Variants in TBL2 observed in about 807,000 individuals in gnomAD.
TBL2 encodes the protein transducin beta-like protein 2.
TBL2 carries 33 observed loss-of-function variants against 41.8 expected under a neutral mutation model. The observed-to-expected ratio is 0.79, with a 90% CI of 0.60 to 1.06. The LOEUF is 1.06. Ranked by LOEUF, TBL2 falls within the 50% of genes least tolerant of loss-of-function variation. The probability of loss-of-function intolerance (pLI) is 0.00; values close to 1 mark genes in which losing one functional copy is unlikely to be tolerated. For synonymous variants in TBL2, 239 were observed against 241.7 expected (o/e 0.99, Z 0.10); for missense variants, 522 against 603.8 (o/e 0.86, Z 1.42).
chr7:73,572,761 G>A (rs993785153), intron 5 of TBL2, 83 bp downstream of exon 5: 140 of 1,594,014 alleles, frequency 8.8e-5, no homozygotes, highest in Admixed American at 1.2e-4. Flanking sequence ...CTTCCCACGC[G>A]ATGAAGCTGG....
intron 2 of TBL2, 105 bp from the exon 3 acceptor site, chr7:73,574,227 A>G (rs1793151514): frequency 6.5e-7 from 1 of 1,536,940 alleles, no homozygotes; most frequent in South Asian, 1.2e-5. Context: ...ATTAACAGCA[A>G]GCTGAGATTG....
chr7:73,573,193 A>C, intron 4 of TBL2, 127 bp downstream of exon 4: 1 of 1,456,906 alleles, frequency 6.9e-7, no homozygotes, highest in East Asian at 2.3e-5. Context: ...CAGGCTGTTC[A>C]GAGCCAGGGA....
Position 73,570,839 on chromosome 7 carries a change from C to T in TBL2, c.1012G>A (p.Ala338Thr), listed in dbSNP as rs1563446854. The T allele has an allele frequency of 1.2e-6, 2 of 1,613,888 alleles. No individual in the cohort carries two copies. Among genetic ancestry groups the T allele is most frequent in the Admixed American group, 1.7e-5 (1 of 60,034 alleles). The change falls in exon 7 of 7, where the codon GCC (alanine) becomes ACC (threonine). Residue 338 changes from alanine (A) to threonine (T), a missense_variant. By Grantham distance (58) the Ala-to-Thr change is moderately conservative (BLOSUM62 0). Transcript: ENST00000305632. ...EAAGAAPCRL[A>T]LSPNAQVLAL... ...AAGACCTGGGCGTTGGGGGAGAGGG[C>T]CAGGCGGCACGGCGCGGCACCCGCC...
chr7:73,572,995 G>T lies in TBL2; in HGVS notation c.599-25C>A, dbSNP rs559627697. 1.9e-6 allele frequency: 3 copies of T among 1,613,834 alleles called. No homozygotes were observed. The Admixed American group carries it at 5.0e-5, about 27-fold the overall frequency. On this transcript the variant is annotated intron_variant, in intron 4 of 6. Transcript: ENST00000305632. ...CCTGAGCGGGAAGGGAGTGATGTGG[G>T]TCACGGGCAGTGACCTGACCAACTG... is the stretch of plus-strand genomic sequence containing the variant.
chr7:73,574,707 T>C (rs1793187273), intron 1 of TBL2, 194 bp from the exon 2 acceptor site: 1 of 703,296 alleles, frequency 1.4e-6, no homozygotes, highest in African/African-American at 1.8e-5. Flanking sequence ...ATGCCTGTAA[T>C]CCCAATGCTT....
intron 1 of TBL2, among the ~76,000 whole-genome samples, chr7:73,575,793 C>T (rs1793274810): frequency 6.6e-6 from 1 of 152,074 alleles, no homozygotes; most frequent in Non-Finnish European, 1.5e-5. Context: ...CCTGTGATCC[C>T]AGCATTTTGG....
At chr7:73,573,618 C>G (rs1554588246) in intron 3 of TBL2, 147 bp from the exon 4 acceptor site, 2 of 1,092,232 alleles carry the variant, frequency 1.8e-6, no homozygotes, top group Non-Finnish European at 2.6e-6. Flanking sequence ...TTCCAAATCT[C>G]ATAAAACTCC....
intron 1 of TBL2, among the ~76,000 whole-genome samples, chr7:73,575,051 T>G (rs949227218): frequency 2.0e-5 from 3 of 152,050 alleles, no homozygotes; most frequent in Non-Finnish European, 2.9e-5. Flanking sequence ...GGGAGTAATG[T>G]GCACAACCAT....
intron 1 of TBL2, 61 bp from the exon 2 acceptor site, chr7:73,574,574 A>G (rs782113705): frequency 3.1e-6 from 5 of 1,610,808 alleles, no homozygotes; most frequent in Non-Finnish European, 4.2e-6. Context: ...CTGCCCACCT[A>G]TGATGAGCCA....
chr7:73,572,844 C>T lies in TBL2; in HGVS notation c.725G>A (p.Arg242Lys). The T allele has an allele frequency of 6.2e-7, 1 of 1,614,092 alleles. No homozygotes were observed. Among genetic ancestry groups the T allele is most frequent in the Non-Finnish European group, 8.5e-7 (1 of 1,179,966 alleles). Reference sequence around the variant, plus strand: ...GACGCCAATACCCCTCCTTGCCCACCTGCCACAGGGAGATACAGCAGCGTG... The same window carrying T: ...GACGCCAATACCCCTCCTTGCCCACTTGCCACAGGGAGATACAGCAGCGTG... Reference protein sequence around the residue: ...NTHAAVSPCGRFVASCGFTPD... With the variant: ...NTHAAVSPCGKFVASCGFTPD... Residue 242 changes from arginine (R) to lysine (K), a missense_variant and splice_region_variant, in exon 5 of 7, where the codon AGA (arginine) becomes AAA (lysine). Coordinates refer to ENST00000305632, the MANE Select transcript of TBL2 (RefSeq NM_012453.4).
chr7:73,574,905 A>G, intron 1 of TBL2: 2 of 352,648 alleles, frequency 5.7e-6, no homozygotes, highest in South Asian at 4.4e-5. Flanking sequence ...ACTACTGAGG[A>G]GGCTGTTTAC....
chr7:73,573,717 A>G (rs1793115249), intron 3 of TBL2: 1 of 751,488 alleles, frequency 1.3e-6, no homozygotes, highest in South Asian at 1.9e-5. Context: ...AGGCCAAGGT[A>G]TTTCCAGGTA....
intron 1 of TBL2, among the ~76,000 whole-genome samples, chr7:73,575,648 T>C (rs1554588775): frequency 1.3e-5 from 2 of 152,132 alleles, no homozygotes; most frequent in Non-Finnish European, 2.9e-5. Flanking sequence ...GCCAGGCTTG[T>C]CTCCAACTCC....
chr7:73,568,383 GT>G lies in TBL2; in HGVS notation c.*2123del, dbSNP rs1554586548. Among the ~76,000 whole-genome samples, 2 of 152,154 alleles carry G rather than the reference GT, an allele frequency of 1.3e-5. No homozygotes were observed. On this transcript the variant is annotated 3_prime_UTR_variant, in exon 7 of 7. Coordinates refer to ENST00000305632, the MANE Select transcript of TBL2 (RefSeq NM_012453.4). ...GTCCAGATAGTGTTTAGTTATTTAA[GT>G]TGCTCACTTCTAGCTTCTGTGAAGC...
chr7:73,577,263 G>GCC (rs1396533033), intron 1 of TBL2, among the ~76,000 whole-genome samples: 1 of 77,388 alleles, frequency 1.3e-5, no homozygotes, highest in Non-Finnish European at 2.9e-5. Context: ...CCGTCCCCCT[G>GCC]CAAAAAAAAA....
chr7:73,575,917 C>T (rs1793282370), intron 1 of TBL2, among the ~76,000 whole-genome samples: 1 of 151,988 alleles, frequency 6.6e-6, no homozygotes, highest in South Asian at 2.1e-4. Context: ...TGGTGTGCGC[C>T]TGTGGTCCCA....
chr7:73,578,059 G>A, intron 1 of TBL2: 1 of 560,036 alleles, frequency 1.8e-6, no homozygotes, highest in Non-Finnish European at 3.1e-6. Flanking sequence ...CAGGGTCATA[G>A]ATGCCCAGTA....
intron 1 of TBL2, among the ~76,000 whole-genome samples, chr7:73,576,993 C>T: frequency 6.6e-6 from 1 of 151,982 alleles, no homozygotes; most frequent in East Asian, 1.9e-4. Flanking sequence ...CAGGGTGGCT[C>T]ACGCCTGTAA....
intron 1 of TBL2, among the ~76,000 whole-genome samples, chr7:73,577,271 A>G (rs1308513728): frequency 1.3e-5 from 2 of 150,906 alleles, no homozygotes; most frequent in Non-Finnish European, 3.0e-5. Context: ...CTGCAAAAAA[A>G]AAAAAAAAAA....
Sources: allele counts gnomAD v4.1 joint callset (sites outside exome capture counted in the v4.1 genomes callset), GRCh38; gene constraint gnomAD v4.1.1; transcripts MANE v1.5; gene names NCBI Gene and HGNC (gene_info 2026-07-23, HGNC 2026-07-21).